Variants in NEGR1 observed in about 807,000 individuals in gnomAD.
NEGR1 encodes the protein IgLON family member 4.
A neutral mutation model predicts 40.9 loss-of-function variants in NEGR1; 10 were observed. That is an observed-to-expected ratio of 0.24 (90% CI 0.15 to 0.42). The LOEUF (loss-of-function observed/expected upper bound fraction) is 0.42, where lower values mean the gene tolerates loss of function less well. Ranked by LOEUF, NEGR1 falls within the 10% of genes least tolerant of loss-of-function variation. The pLI is 1.00. For synonymous variants in NEGR1, 185 were observed against 166.8 expected (o/e 1.11, Z -0.84); for missense variants, 352 against 438.9 (o/e 0.80, Z 1.77).
intron 3 of NEGR1, among the ~76,000 whole-genome samples, chr1:71,724,862 T>G (rs1044156378): frequency 2.6e-5 from 4 of 152,054 alleles, no homozygotes; most frequent in Admixed American, 1.3e-4. Context: ...TTGTGATCTC[T>G]AACCACCTTG....
chr1:71,548,087 A>G (rs974132656), intron 6 of NEGR1, among the ~76,000 whole-genome samples: 5 of 151,696 alleles, frequency 3.3e-5, no homozygotes, highest in African/African-American at 1.2e-4. Flanking sequence ...AGCCTTAGCC[A>G]TCATCTTGAT....
At chr1:72,035,796 G>A (rs1646896867) in intron 1 of NEGR1, among the ~76,000 whole-genome samples, 1 of 152,080 alleles carries the variant, frequency 6.6e-6, no homozygotes, top group African/African-American at 2.4e-5. Flanking sequence ...AATGAGTTTA[G>A]GTCTTTTTAC....
At chr1:71,561,063 A>G (rs2101480545) in intron 6 of NEGR1, among the ~76,000 whole-genome samples, 1 of 151,710 alleles carries the variant, frequency 6.6e-6, no homozygotes, top group South Asian at 2.1e-4. Flanking sequence ...AAATAATATG[A>G]TGTACATAAA....
intron 3 of NEGR1, among the ~76,000 whole-genome samples, chr1:71,761,434 T>C (rs1378294575): frequency 6.6e-6 from 1 of 152,200 alleles, no homozygotes; most frequent in Admixed American, 6.5e-5. Context: ...TATCCTGAAG[T>C]AAATCTCATG....
At chr1:71,654,473 A>T (rs1651817342) in intron 4 of NEGR1, among the ~76,000 whole-genome samples, 1 of 152,108 alleles carries the variant, frequency 6.6e-6, no homozygotes, top group African/African-American at 2.4e-5. Flanking sequence ...CTTGCACAAT[A>T]TTTTTTTCCT....
intron 3 of NEGR1, among the ~76,000 whole-genome samples, chr1:71,743,638 AG>A (rs1398356779): frequency 6.6e-6 from 1 of 152,124 alleles, no homozygotes; most frequent in Non-Finnish European, 1.5e-5. Context: ...GCTCTCTAAT[AG>A]GGCCCTAATA....
chr1:71,935,389 T>G (rs1366170444), intron 1 of NEGR1, 78 bp from the exon 2 acceptor site: 4 of 1,021,738 alleles, frequency 3.9e-6, no homozygotes, highest in Non-Finnish European at 6.0e-6. Context: ...GAGTGTTTTT[T>G]TCTTTTGCTG....
At chr1:71,414,736 C>T (rs1646344144) in intron 6 of NEGR1, among the ~76,000 whole-genome samples, 1 of 152,098 alleles carries the variant, frequency 6.6e-6, no homozygotes, top group Non-Finnish European at 1.5e-5. Context: ...TTCTCCCCCT[C>T]GACTTTAGGG....
chr1:72,057,675 T>C (rs949121693), intron 1 of NEGR1, among the ~76,000 whole-genome samples: 1 of 151,270 alleles, frequency 6.6e-6, no homozygotes, highest in African/African-American at 2.4e-5. Context: ...ATACCATGAA[T>C]TGAATGGTTT....
intron 1 of NEGR1, among the ~76,000 whole-genome samples, chr1:72,167,547 T>C (rs1161692992): frequency 1.3e-5 from 2 of 152,104 alleles, no homozygotes; most frequent in African/African-American, 4.8e-5. Flanking sequence ...ACAAATAAAA[T>C]GACTACATTA....
chr1:71,523,942 A>T (rs891883771), intron 6 of NEGR1, among the ~76,000 whole-genome samples: 1 of 151,816 alleles, frequency 6.6e-6, no homozygotes, highest in African/African-American at 2.4e-5. Context: ...GAGGGCTCAT[A>T]TTCTAAGTAA....
chr1:72,013,624 C>A (rs531624287), intron 1 of NEGR1, among the ~76,000 whole-genome samples: 1 of 151,528 alleles, frequency 6.6e-6, no homozygotes, highest in Non-Finnish European at 1.5e-5. Context: ...AATAAATAAA[C>A]CTCTATTATT....
intron 1 of NEGR1, among the ~76,000 whole-genome samples, chr1:72,131,280 G>A (rs933687478): frequency 3.3e-5 from 5 of 152,024 alleles, no homozygotes; most frequent in African/African-American, 1.2e-4. Context: ...GTTGTGTCAG[G>A]TATTTTGATA....
At chr1:71,752,703 T>C (rs955149076) in intron 3 of NEGR1, among the ~76,000 whole-genome samples, 1 of 149,544 alleles carries the variant, frequency 6.7e-6, no homozygotes, top group Non-Finnish European at 1.5e-5. Context: ...TCAAATACTA[T>C]GGAATCAATC....
At chr1:71,756,798 C>T (rs1655757961) in intron 3 of NEGR1, among the ~76,000 whole-genome samples, 1 of 149,890 alleles carries the variant, frequency 6.7e-6, no homozygotes, top group African/African-American at 2.5e-5. Context: ...TGTTCAGAAA[C>T]AATACGGCTG....
intron 3 of NEGR1, among the ~76,000 whole-genome samples, chr1:71,762,683 C>A (rs1410135019): frequency 1.3e-5 from 2 of 151,942 alleles, no homozygotes; most frequent in African/African-American, 4.8e-5. Context: ...ATATAAAAAG[C>A]TAATTTCAAA....
chr1:71,951,320 G>T (rs1323709872), intron 1 of NEGR1, among the ~76,000 whole-genome samples: 1 of 151,854 alleles, frequency 6.6e-6, no homozygotes, highest in African/African-American at 2.4e-5. Context: ...CTTGTGAAAT[G>T]AATTGGTCAT....
chr1:71,667,143 T>C (rs1034931947), intron 4 of NEGR1, among the ~76,000 whole-genome samples: 28 of 152,276 alleles, frequency 1.8e-4, no homozygotes, highest in African/African-American at 6.5e-4. Flanking sequence ...AACAGGTGAG[T>C]AAACAGAATT....
chr1:72,048,670 T>C (rs1324446683), intron 1 of NEGR1, among the ~76,000 whole-genome samples: 2 of 151,686 alleles, frequency 1.3e-5, no homozygotes, highest in East Asian at 3.9e-4. Flanking sequence ...TAAGGAATAA[T>C]ACTACTTTTA....
Sources: allele counts gnomAD v4.1 joint callset (sites outside exome capture counted in the v4.1 genomes callset), GRCh38; gene constraint gnomAD v4.1.1; transcripts MANE v1.5; gene names NCBI Gene and HGNC (gene_info 2026-07-23, HGNC 2026-07-21).